Variants in DDX43 observed in about 807,000 individuals in gnomAD.
The protein encoded by DDX43 is probable ATP-dependent RNA helicase DDX43.
DDX43 carries 50 observed loss-of-function variants against 84.9 expected under a neutral mutation model. The ratio of observed to expected loss-of-function variants is 0.59; its 90% confidence interval spans 0.47 to 0.75. DDX43 has a LOEUF of 0.75. DDX43 is among the 30% of genes least tolerant of loss of function. The pLI is 0.00. For synonymous variants in DDX43, 291 were observed against 266.3 expected, an observed-to-expected ratio of 1.09 and a Z score of -0.90; for missense variants, 689 against 798.6, an observed-to-expected ratio of 0.86 and a Z score of 1.65.
chr6:73,409,684 T>C (rs1408538261), intron 10 of DDX43, among the ~76,000 whole-genome samples: 1 of 152,216 alleles, frequency 6.6e-6, no homozygotes, highest in Non-Finnish European at 1.5e-5. Context: ...ATTATTTGAA[T>C]GAGTGATCTA....
At chr6:73,414,219 A>C (rs1769860187) in intron 13 of DDX43, 140 bp downstream of exon 13, 2 of 614,482 alleles carry the variant, frequency 3.3e-6, no homozygotes, top group East Asian at 2.8e-5. Flanking sequence ...CACTCATTAG[A>C]GCTCTAAACA....
intron 11 of DDX43, among the ~76,000 whole-genome samples, chr6:73,412,668 T>TGTGCGCGCGC (rs538597626): frequency 1.1e-4 from 12 of 108,394 alleles, no homozygotes; most frequent in South Asian, 3.2e-4. Flanking sequence ...TGTGTGTGTG[T>TGTGCGCGCGC]GCGCGCGCGC....
intron 1 of DDX43, among the ~76,000 whole-genome samples, 184 bp downstream of exon 1, chr6:73,395,339 T>A (rs767435578): frequency 1.3e-5 from 2 of 152,162 alleles, no homozygotes; most frequent in Non-Finnish European, 2.9e-5. Context: ...GCGCGTTGGC[T>A]CACGCCTGTA....
intron 10 of DDX43, among the ~76,000 whole-genome samples, chr6:73,410,883 C>T (rs1306048047): frequency 6.6e-6 from 1 of 151,856 alleles, no homozygotes; most frequent in African/African-American, 2.4e-5. Flanking sequence ...CATGAGCCAA[C>T]AACCTTTTAA....
Position 73,394,887 on chromosome 6 carries a change from C to A in DDX43, c.-19C>A. ...AGAGCTGGACGGCAACGACGTCGGA[C>A]GCGCCCCTTCTTGGAACAATGTCCC... On this transcript the variant is annotated 5_prime_UTR_variant, in exon 1 of 17. Coordinates refer to ENST00000370336, the MANE Select transcript of DDX43 (RefSeq NM_018665.3). The A allele has an allele frequency of 6.2e-7, 1 of 1,612,598 alleles. No homozygotes were observed. Among genetic ancestry groups the A allele is most frequent in the Non-Finnish European group, 8.5e-7 (1 of 1,179,100 alleles).
rs66577187 is a variant in DDX43 at position 73,412,638 on chromosome 6, A to AGTGTGTGTGTGTGT, written c.1368+364_1368+377dup. On this transcript the variant is annotated intron_variant, in intron 11 of 16. Transcript: ENST00000370336. ...CTGGGTTCAAGTGATATATATATAT[A>AGTGTGTGTGTGTGT]GTGTGTGTGTGTGTGTGTGTGTGTG... Among the ~76,000 whole-genome samples the AGTGTGTGTGTGTGT allele has an allele frequency of 7.5e-3, 445 of 59,512 alleles. 7 individuals are homozygous for AGTGTGTGTGTGTGT. The highest frequency in any genetic ancestry group is 0.012 in the Non-Finnish European group (283 of 24,328). The allele number at this position is 59,512 out of a possible 152,430, so 39.0% of individuals were successfully genotyped here.
Position 73,416,261 on chromosome 6 carries a change from C to A in DDX43, c.*25+10C>A. ...TACTAGTGGGGTAGAGGTAAAAGTT[C>A]AATAACATATGGACTTTAAAATGCC... is the stretch of plus-strand genomic sequence containing the variant. On this transcript the variant is annotated intron_variant, in intron 16 of 16. Coordinates refer to ENST00000370336, the MANE Select transcript of DDX43 (RefSeq NM_018665.3). 1 of 1,094,414 alleles carries A rather than the reference C, an allele frequency of 9.1e-7. No individual in the cohort carries two copies. The highest frequency in any genetic ancestry group is 1.3e-5 in the South Asian group (1 of 76,734). 67.8% of individuals were successfully genotyped at this position (1,094,414 alleles called of 1,614,324 possible).
intron 12 of DDX43, 31 bp from the exon 13 acceptor site, chr6:73,413,939 C>G (rs774751581): frequency 1.0e-5 from 16 of 1,561,498 alleles, no homozygotes; most frequent in Non-Finnish European, 2.6e-6. Context: ...GAATAAGCAC[C>G]TAAGAATGCT....
In DDX43 at chr6:73,404,697, A is replaced by C; in HGVS notation, c.576A>C (p.Pro192=). 2 of 1,611,024 alleles carry C rather than the reference A, an allele frequency of 1.2e-6. No homozygotes were observed. The highest frequency in any genetic ancestry group is 1.7e-6 in the Non-Finnish European group (2 of 1,179,172). The change falls in exon 5 of 17, where the codon CCA becomes CCC. Residue 192 remains proline (P), a synonymous_variant. Transcript: ENST00000370336. The part of the protein sequence containing the change: ...KWQKTKWADL[P]PIKKNFYKES... Reference sequence around the variant, plus strand: ...TTTTCGCCTTTGTCCCAGATTTACCACCAATTAAGAAAAACTTTTATAAAG... The same window carrying C: ...TTTTCGCCTTTGTCCCAGATTTACCCCCAATTAAGAAAAACTTTTATAAAG...
chr6:73,398,565 G>A lies in DDX43; in HGVS notation c.306+821G>A, dbSNP rs560286669. ...CCAGGCCCAGTCGGAGGTAAAAATCGTTAGAGATAATCTGCATAAGAATGA... is the reference window on the plus strand; with the variant it reads ...CCAGGCCCAGTCGGAGGTAAAAATCATTAGAGATAATCTGCATAAGAATGA... On this transcript the variant is annotated intron_variant, in intron 2 of 16. Transcript: ENST00000370336. Among the ~76,000 whole-genome samples, 14 of 142,842 alleles carry A rather than the reference G, an allele frequency of 9.8e-5. No individual in the cohort carries two copies. The South Asian group carries it at 1.2e-3, about 13-fold the overall frequency. The allele number at this position is 142,842 out of a possible 152,430, so 93.7% of individuals were successfully genotyped here.
chr6:73,402,308 G>A (rs577053119), intron 4 of DDX43, among the ~76,000 whole-genome samples: 3 of 152,150 alleles, frequency 2.0e-5, no homozygotes, highest in South Asian at 4.1e-4. Flanking sequence ...CATTGTTGCT[G>A]TGATTGAGTA....
At chr6:73,412,620 C>G (rs1408841583) in intron 11 of DDX43, among the ~76,000 whole-genome samples, 3 of 110,632 alleles carry the variant, frequency 2.7e-5, no homozygotes, top group Non-Finnish European at 6.1e-5. Context: ...CTCCTGGGTT[C>G]AAGTGATATA....
At position 73,413,707 on chromosome 6, in the gene DDX43, A is replaced by T; in HGVS notation, c.1418A>T (p.Lys473Ile). 1 of 1,613,876 alleles carries T rather than the reference A, an allele frequency of 6.2e-7. No individual in the cohort carries two copies. The highest frequency in any genetic ancestry group is 8.5e-7 in the Non-Finnish European group (1 of 1,179,876). The change falls in exon 12 of 17, where the codon AAA becomes ATA. Residue 473 changes from lysine (K) to isoleucine (I), a missense_variant. Around this residue, in one of 2 missense-constraint regions of DDX43, gnomAD observed 552 missense variants for 692.7 expected, o/e 0.80. Coordinates refer to ENST00000370336, the MANE Select transcript of DDX43 (RefSeq NM_018665.3). ...ATAATTGTAACCACCGAGGAAGAGA[A>T]ATGGAGTCACATGCAAACTTTTCTA... ...QNIIVTTEEE[K>I]WSHMQTFLQS...
rs1295482887 is a variant in DDX43 at position 73,395,087 on chromosome 6, T to C, written c.182T>C (p.Val61Ala). 1 of 1,614,032 alleles carries C rather than the reference T, an allele frequency of 6.2e-7. No individual in the cohort carries two copies. The highest frequency in any genetic ancestry group is 1.7e-5 in the Admixed American group (1 of 60,014). The change falls in exon 1 of 17, where the codon GTG becomes GCG. Residue 61 changes from valine to alanine, a missense_variant. By Grantham distance (64) the Val-to-Ala change is moderately conservative (BLOSUM62 0). Coordinates refer to ENST00000370336, the MANE Select transcript of DDX43 (RefSeq NM_018665.3). The part of the protein sequence containing the change: ...WRGTSRPPEA[V>A]AAGHEELPLC... Reference sequence around the variant, plus strand: ...GGCACCTCTAGGCCCCCGGAGGCCGTGGCCGCTGGTCACGAGGAACTGCCG... The same window carrying C: ...GGCACCTCTAGGCCCCCGGAGGCCGCGGCCGCTGGTCACGAGGAACTGCCG...
At chr6:73,415,456 C>A in intron 14 of DDX43, 41 bp from the exon 15 acceptor site, 1 of 1,406,482 alleles carries the variant, frequency 7.1e-7, no homozygotes, top group Non-Finnish European at 1.0e-6. Flanking sequence ...TCTGTATTAA[C>A]TGAATAATGA....
rs776751144 is a variant in DDX43 at position 73,394,872 on chromosome 6, G to A, written c.-34G>A. 11 of 1,608,380 alleles carry A rather than the reference G, an allele frequency of 6.8e-6. No homozygotes were observed. Among genetic ancestry groups the A allele is most frequent in the South Asian group, 1.1e-5 (1 of 90,184 alleles). On this transcript the variant is annotated 5_prime_UTR_variant, in exon 1 of 17. Coordinates refer to ENST00000370336, the MANE Select transcript of DDX43 (RefSeq NM_018665.3). ...ACGGTCAGGTGGTGCAGAGCTGGACGGCAACGACGTCGGACGCGCCCCTTC... is the reference window on the plus strand; with the variant it reads ...ACGGTCAGGTGGTGCAGAGCTGGACAGCAACGACGTCGGACGCGCCCCTTC...
chr6:73,396,241 G>T (rs1046310885), intron 1 of DDX43, among the ~76,000 whole-genome samples: 1 of 152,108 alleles, frequency 6.6e-6, no homozygotes, highest in African/African-American at 2.4e-5. Flanking sequence ...CGTAAGCCCG[G>T]CCCATTTCTG....
In DDX43 at chr6:73,395,209, T is replaced by A. The variant is rs1031340123; in HGVS notation, c.250+54T>A. ...GATAGGTGGGGCCAGGGGCGGAGCC[T>A]GGGCGAAGGCATTTCCTCCCCACTG... On this transcript the variant is annotated intron_variant, in intron 1 of 16. Transcript: ENST00000370336. The A allele has an allele frequency of 2.0e-6, 3 of 1,529,336 alleles. No homozygotes were observed. In the African/African-American group the frequency reaches 4.1e-5, roughly 21 times the overall value. The allele number at this position is 1,529,336 out of a possible 1,614,324, so 94.7% of individuals were successfully genotyped here.
chr6:73,406,332 T>G, intron 6 of DDX43, 32 bp from the exon 7 acceptor site: 1 of 1,515,468 alleles, frequency 6.6e-7, no homozygotes, highest in Non-Finnish European at 9.1e-7. Context: ...AAAGATGTAC[T>G]TTTTGTGTTA....
Sources: gnomAD v4.1 joint callset for allele counts (sites outside exome capture counted in the v4.1 genomes callset) on GRCh38, gnomAD v4.1.1 for gene constraint, gnomAD v4.1.1 regional missense constraint, MANE v1.5 for transcripts, NCBI Gene and HGNC (gene_info 2026-07-23, HGNC 2026-07-21) for gene names.